OR1J2: variants seen among roughly 807,000 people sequenced by gnomAD.
OR1J2 encodes olfactory receptor 1J2.
For missense variants in OR1J2, 304 were observed against 246.1 expected (o/e 1.24, Z -1.57); for synonymous variants, 142 against 99.7 (o/e 1.42, Z -2.52).
chr9:122,568,301 A>G, the OR1J2 span: 1 of 1,614,094 alleles, frequency 6.2e-7, no homozygotes, highest in South Asian at 1.1e-5. Context: ...AGAAATACAT[A>G]GGGGTCTGAA....
the OR1J2 span, among the ~76,000 whole-genome samples, chr9:122,490,265 A>C: frequency 6.6e-6 from 1 of 152,188 alleles, no homozygotes; most frequent in Non-Finnish European, 1.5e-5. Flanking sequence ...ATTATCCCAG[A>C]TGGTGAATGG....
downstream of OR1J2, among the ~76,000 whole-genome samples, chr9:122,515,352 T>TTGTGTGTGTGTGTGTGTGTGTGTGTG (rs10651846): frequency 8.8e-5 from 12 of 135,714 alleles, no homozygotes; most frequent in South Asian, 2.6e-4. Flanking sequence ...CAGGAGCAGG[T>TTGTGTGTGTGTGTGTGTGTGTGTGTG]TGTGTGTGTG....
At chr9:122,474,398 A>G in the OR1J2 span, among the ~76,000 whole-genome samples, 5 of 152,208 alleles carry the variant, frequency 3.3e-5, no homozygotes, top group African/African-American at 1.2e-4. Context: ...ACTGACTTCC[A>G]GCTGTTTATC....
chr9:122,526,662 C>A, the OR1J2 span: 1 of 1,613,990 alleles, frequency 6.2e-7, no homozygotes, highest in Non-Finnish European at 8.5e-7. Flanking sequence ...GGTGACAATG[C>A]ATAAAAAGGG....
At chr9:122,531,301 T>A in the OR1J2 span, among the ~76,000 whole-genome samples, 1 of 152,070 alleles carries the variant, frequency 6.6e-6, no homozygotes, top group Non-Finnish European at 1.5e-5. Context: ...ACTTTAAGAG[T>A]TAAGAGTGGC....
At chr9:122,496,914 C>T in the OR1J2 span, among the ~76,000 whole-genome samples, 1 of 152,050 alleles carries the variant, frequency 6.6e-6, no homozygotes. Context: ...ATTTTGGGGC[C>T]ACAGGATTTA....
the OR1J2 span, among the ~76,000 whole-genome samples, chr9:122,492,063 T>C: frequency 6.6e-6 from 1 of 152,150 alleles, no homozygotes; most frequent in African/African-American, 2.4e-5. Flanking sequence ...CCTGGGCATA[T>C]TGCATAATGC....
chr9:122,467,230 A>C, the OR1J2 span, among the ~76,000 whole-genome samples: 1 of 152,154 alleles, frequency 6.6e-6, no homozygotes, highest in East Asian at 1.9e-4. Context: ...AAAGATTACA[A>C]ATGGTGAGTT....
chr9:122,491,740 G>A, the OR1J2 span, among the ~76,000 whole-genome samples: 3 of 152,132 alleles, frequency 2.0e-5, no homozygotes, highest in Admixed American at 2.0e-4. Context: ...ATGTACACAT[G>A]GTGGATGGTT....
chr9:122,531,312 G>A, the OR1J2 span, among the ~76,000 whole-genome samples: 2,396 of 152,300 alleles, frequency 0.016, 78 homozygotes, highest in African/African-American at 0.055. Flanking sequence ...TAAGAGTGGC[G>A]GTTTGGGGAT....
the OR1J2 span, among the ~76,000 whole-genome samples, chr9:122,467,490 T>C: frequency 6.6e-6 from 1 of 152,202 alleles, no homozygotes; most frequent in African/African-American, 2.4e-5. Flanking sequence ...TCATTCCCTG[T>C]TCAGAAAACA....
chr9:122,508,128 G>T (rs112857794), upstream of OR1J2, among the ~76,000 whole-genome samples: 1,217 of 144,440 alleles, frequency 8.4e-3, 13 homozygotes, highest in African/African-American at 0.03. Context: ...GTGAGGGGGG[G>T]AGAGAGAGAG....
chr9:122,504,570 T>A, the OR1J2 span, among the ~76,000 whole-genome samples: 2 of 152,190 alleles, frequency 1.3e-5, no homozygotes, highest in Non-Finnish European at 2.9e-5. Context: ...GTGTGAGATA[T>A]AATAACTTGT....
the OR1J2 span, among the ~76,000 whole-genome samples, chr9:122,448,586 C>T: frequency 6.6e-6 from 1 of 152,162 alleles, no homozygotes; most frequent in African/African-American, 2.4e-5. Flanking sequence ...AGGGAGAAAC[C>T]TTGGACAATA....
At chr9:122,468,697 T>C in the OR1J2 span, among the ~76,000 whole-genome samples, 1 of 152,214 alleles carries the variant, frequency 6.6e-6, no homozygotes, top group Non-Finnish European at 1.5e-5. Flanking sequence ...GCATCCTTGT[T>C]AGTCAAGGCG....
At chr9:122,450,406 G>C in the OR1J2 span, among the ~76,000 whole-genome samples, 17 of 152,236 alleles carry the variant, frequency 1.1e-4, no homozygotes, top group African/African-American at 4.1e-4. Flanking sequence ...ACTCCAGCCT[G>C]GGTGACAGAG....
At chr9:122,526,849 G>A in the OR1J2 span, 1 of 1,614,148 alleles carries the variant, frequency 6.2e-7, no homozygotes, top group African/African-American at 1.3e-5. Context: ...ATATTGGTGA[G>A]GACCCAGCAC....
Position 122,510,855 on chromosome 9 carries a change from C to T in OR1J2, c.54C>T (p.Pro18=), listed in dbSNP as rs200087305. 1.1e-4 allele frequency: 174 copies of T among 1,609,632 alleles called. 2 individuals are homozygous for T. In the East Asian group the frequency reaches 2.3e-3, roughly 21 times the overall value. The part of the protein sequence containing the change: ...SVSEFLLLGL[P]IRPEQQAVFF... ...CCGAGTTCCTCCTTCTGGGCCTCCCCATCCGGCCAGAGCAGCAGGCTGTGT... is the reference window on the plus strand; with the variant it reads ...CCGAGTTCCTCCTTCTGGGCCTCCCTATCCGGCCAGAGCAGCAGGCTGTGT... The change falls in exon 1 of 1, where the codon CCC becomes CCT. Residue 18 remains proline (P), a synonymous_variant. Transcript: ENST00000335302.
the OR1J2 span, among the ~76,000 whole-genome samples, chr9:122,462,348 G>A: frequency 2.6e-5 from 4 of 152,118 alleles, no homozygotes; most frequent in Non-Finnish European, 4.4e-5. Context: ...GAAGATACTT[G>A]GCTGGTGAAT....
Sources: allele counts gnomAD v4.1 joint callset (sites outside exome capture counted in the v4.1 genomes callset), GRCh38; gene constraint gnomAD v4.1.1; transcripts MANE v1.5; gene names NCBI Gene and HGNC (gene_info 2026-07-23, HGNC 2026-07-21).